The following WNK2 variants were observed in gnomAD, a reference collection of about 807,000 sequenced individuals.
The protein encoded by WNK2 is serine/threonine-protein kinase WNK2.
A neutral mutation model predicts 192.1 loss-of-function variants in WNK2; 67 were observed. That is an observed-to-expected ratio of 0.35 (90% confidence interval 0.29 to 0.43). The LOEUF is 0.43. Ranked by LOEUF, WNK2 falls within the 20% of genes least tolerant of loss-of-function variation. WNK2 has a pLI of 1.00. For synonymous variants in WNK2, 1,439 were observed against 1,393.9 expected, an observed-to-expected ratio of 1.03 and a Z score of -0.72; for missense variants, 2,698 against 3,089.7, an observed-to-expected ratio of 0.87 and a Z score of 3.01.
At chr9:93,252,386 CTG>C (rs1391776629) in intron 8 of WNK2, among the ~76,000 whole-genome samples, 1 of 152,264 alleles carries the variant, frequency 6.6e-6, no homozygotes, top group Non-Finnish European at 1.5e-5. Flanking sequence ...CAAGGCCTCT[CTG>C]CGGGTGTTGA....
Position 93,263,734 on chromosome 9 carries a change from C to T in WNK2, c.3579C>T (p.Asn1193=), listed in dbSNP as rs1223307952. The stretch of plus-strand genomic sequence containing the variant: ...GCCGGCCCCGGCTTACCATCTTGAA[C>T]GTGAGTGGGCGGGGCGTGGCGGGGG... ...RASRPRLTIL[N]VCNTGDKMVE... Residue 1193 remains asparagine, a splice_region_variant and synonymous_variant, in exon 15 of 30, where the codon AAC becomes AAT. Coordinates refer to ENST00000427277, the MANE Select transcript of WNK2 (RefSeq NM_006648.4). The T allele has an allele frequency of 2.3e-5, 32 of 1,414,596 alleles. No individual in the cohort carries two copies. The highest frequency in any genetic ancestry group is 3.0e-5 in the African/African-American group (2 of 67,256). The allele number at this position is 1,414,596 out of a possible 1,614,324, so 87.6% of individuals were successfully genotyped here.
At chr9:93,211,234 T>C (rs1563997244) in intron 2 of WNK2, among the ~76,000 whole-genome samples, 2 of 11,634 alleles carry the variant, frequency 1.7e-4, no homozygotes, top group Non-Finnish European at 1.9e-4. Flanking sequence ...ACTCACTCAC[T>C]CACTCATTCA....
intron 7 of WNK2, among the ~76,000 whole-genome samples, chr9:93,243,719 A>G (rs1451877839): frequency 2.0e-5 from 3 of 152,092 alleles, no homozygotes; most frequent in Non-Finnish European, 4.4e-5. Context: ...CTGGGTCCCT[A>G]TGGGGCCTTT....
At chr9:93,306,238 G>A (rs1191208867) in intron 26 of WNK2, among the ~76,000 whole-genome samples, 1 of 152,098 alleles carries the variant, frequency 6.6e-6, no homozygotes, top group Non-Finnish European at 1.5e-5. Flanking sequence ...AACACTTGCC[G>A]CTGACCTCAT....
At chr9:93,308,154 G>C in intron 27 of WNK2, 174 bp from the exon 28 acceptor site, 1 of 1,332,820 alleles carries the variant, frequency 7.5e-7, no homozygotes, top group Non-Finnish European at 9.9e-7. Flanking sequence ...GCCCCACCAT[G>C]TCTGACCCTG....
chr9:93,243,601 A>G (rs1355329185), intron 7 of WNK2, among the ~76,000 whole-genome samples: 1 of 152,238 alleles, frequency 6.6e-6, no homozygotes, highest in African/African-American at 2.4e-5. Context: ...TCTGCTAAGA[A>G]CAGGGAAGGC....
chr9:93,308,192 C>G, intron 27 of WNK2, 136 bp from the exon 28 acceptor site: 2 of 1,440,794 alleles, frequency 1.4e-6, no homozygotes, highest in Middle Eastern at 2.6e-4. Flanking sequence ...ATCCGACCGC[C>G]TCTTGAAGCA....
At chr9:93,255,044 G>A (rs1843090026) in intron 9 of WNK2, among the ~76,000 whole-genome samples, 1 of 152,174 alleles carries the variant, frequency 6.6e-6, no homozygotes, top group Non-Finnish European at 1.5e-5. Flanking sequence ...CAGCATCAGT[G>A]TGGAAACCAG....
intron 7 of WNK2, among the ~76,000 whole-genome samples, chr9:93,243,873 G>A (rs961121403): frequency 2.0e-5 from 3 of 152,252 alleles, no homozygotes; most frequent in African/African-American, 7.2e-5. Flanking sequence ...ACAGCTTGAT[G>A]TTGGTGCATC....
At position 93,308,151 on chromosome 9, in the gene WNK2, C is replaced by A. The variant is rs1023699044; in HGVS notation, c.6260-177C>A. ...GGCACAGCCCATGGAAATGCCCCACCATGTCTGACCCTGGGCAGCCAGGCC... is the reference window on the plus strand; with the variant it reads ...GGCACAGCCCATGGAAATGCCCCACAATGTCTGACCCTGGGCAGCCAGGCC... On this transcript the variant is annotated intron_variant, in intron 27 of 29. Transcript: ENST00000427277. 3 of 1,302,852 alleles carry A rather than the reference C, an allele frequency of 2.3e-6. No homozygotes were observed. In the African/African-American group the frequency reaches 4.5e-5, roughly 19 times the overall value. The allele number at this position is 1,302,852 out of a possible 1,614,324, so 80.7% of individuals were successfully genotyped here. A position where few individuals can be genotyped will look rare whatever the true frequency, so the allele number is the denominator to read the frequency against.
chr9:93,235,002 C>A, intron 5 of WNK2, 37 bp downstream of exon 5: 1 of 1,612,062 alleles, frequency 6.2e-7, no homozygotes, highest in Non-Finnish European at 8.5e-7. Context: ...TTAATAAGGA[C>A]ACAGAGGCCT....
chr9:93,317,879 C>G (rs761633109), intron 29 of WNK2: 1 of 1,565,802 alleles, frequency 6.4e-7, no homozygotes, highest in South Asian at 1.2e-5. Flanking sequence ...CCAGATGGCG[C>G]CCTCGGAACC....
intron 4 of WNK2, 82 bp downstream of exon 4, chr9:93,231,190 T>C: frequency 1.4e-6 from 2 of 1,393,988 alleles, no homozygotes; most frequent in Non-Finnish European, 2.0e-6. Flanking sequence ...TCCAGTTTTG[T>C]TCAGACCTGG....
At chr9:93,274,020 C>T (rs1172960020) in intron 19 of WNK2, among the ~76,000 whole-genome samples, 1 of 152,084 alleles carries the variant, frequency 6.6e-6, no homozygotes, top group Non-Finnish European at 1.5e-5. Flanking sequence ...AATGACTCAA[C>T]CTTCTACCTT....
intron 29 of WNK2, chr9:93,318,813 A>G: frequency 7.1e-7 from 1 of 1,410,232 alleles, no homozygotes; most frequent in Non-Finnish European, 9.2e-7. Flanking sequence ...CCCAGTGGGC[A>G]CAACACAGCC....
intron 2 of WNK2, among the ~76,000 whole-genome samples, chr9:93,221,801 G>A (rs1332261262): frequency 1.3e-5 from 2 of 152,192 alleles, no homozygotes; most frequent in African/African-American, 4.8e-5. Context: ...GCCGCGTCGT[G>A]TCCATCACCT....
chr9:93,208,895 T>TTG (rs1444941240), intron 2 of WNK2, among the ~76,000 whole-genome samples: 1 of 152,104 alleles, frequency 6.6e-6, no homozygotes, highest in Non-Finnish European at 1.5e-5. Context: ...GTTCTACAAG[T>TTG]TGTGTGTGTT....
chr9:93,188,002 C>T lies in WNK2; in HGVS notation c.681+2392C>T, dbSNP rs1435000804. ...TTGGCTTTGTGTCGTGAGGGGCTCTCTTAGTCCACAGTGTGGAGATGCCAT... is the reference window on the plus strand; with the variant it reads ...TTGGCTTTGTGTCGTGAGGGGCTCTTTTAGTCCACAGTGTGGAGATGCCAT... On this transcript the variant is annotated intron_variant, in intron 2 of 29. Coordinates refer to ENST00000427277, the MANE Select transcript of WNK2 (RefSeq NM_006648.4). Among the ~76,000 whole-genome samples, 8 of 152,104 alleles carry T rather than the reference C, an allele frequency of 5.3e-5. No homozygotes were observed. The South Asian group carries it at 6.2e-4, about 12-fold the overall frequency.
chr9:93,310,174 T>G (rs1853390863), intron 28 of WNK2, among the ~76,000 whole-genome samples: 1 of 152,202 alleles, frequency 6.6e-6, no homozygotes, highest in African/African-American at 2.4e-5. Context: ...TCTGAATGAC[T>G]GCAGGGTCCT....
Sources: allele counts gnomAD v4.1 joint callset (sites outside exome capture counted in the v4.1 genomes callset), GRCh38; gene constraint gnomAD v4.1.1; transcripts MANE v1.5; gene names NCBI Gene and HGNC (gene_info 2026-07-23, HGNC 2026-07-21).